The following SEPTIN9 variants were observed in gnomAD, a reference collection of about 807,000 sequenced individuals.
SEPTIN9 encodes the protein septin-9.
Under a neutral mutation model 56.6 loss-of-function variants are expected in SEPTIN9, and 13 were observed. The ratio of observed to expected loss-of-function variants is 0.23; its 90% CI spans 0.15 to 0.37. The LOEUF is 0.37. Ranked by LOEUF, SEPTIN9 falls within the 10% of genes least tolerant of loss-of-function variation. The probability of loss-of-function intolerance (pLI) is 1.00; values close to 1 mark genes in which losing one functional copy is unlikely to be tolerated. For missense variants in SEPTIN9, 650 were observed against 823.1 expected (o/e 0.79, Z 2.57); for synonymous variants, 332 against 334.1 (o/e 0.99, Z 0.07).
rs552291130 is a variant in SEPTIN9 at position 77,436,685 on chromosome 17, C to T, written c.721+33982C>T. Among the ~76,000 whole-genome samples, 255 of 152,358 alleles carry T rather than the reference C, an allele frequency of 1.7e-3. 1 individual carries two copies. The highest frequency in any genetic ancestry group is 4.5e-3 in the African/African-American group (187 of 41,578). ...ACCTCCTGTTTTGCTGCACTAGCCT[C>T]GTGGTAGGGGCTGCGGCGGAGGTGG... On this transcript the variant is annotated intron_variant, in intron 3 of 11. Transcript: ENST00000427177. This position sits in a 1 kb window ranked among gnomAD's most constrained non-coding sequence, Gnocchi z 4.4.
chr17:77,420,596 G>A (rs2144214316), intron 3 of SEPTIN9, among the ~76,000 whole-genome samples: 1 of 152,252 alleles, frequency 6.6e-6, no homozygotes, highest in East Asian at 1.9e-4. Flanking sequence ...TCCTCCTGGT[G>A]GACAGTCCTT....
At chr17:77,490,934 C>T (rs1341558770) in intron 8 of SEPTIN9, 75 bp downstream of exon 8, 7 of 1,157,284 alleles carry the variant, frequency 6.0e-6, no homozygotes, top group East Asian at 2.6e-5. Flanking sequence ...GGGGCCACCC[C>T]GTCTAAAGGA....
intron 3 of SEPTIN9, among the ~76,000 whole-genome samples, chr17:77,407,282 CAA>C (rs58585658): frequency 3.4e-4 from 15 of 44,598 alleles, no homozygotes; most frequent in Admixed American, 1.7e-3. Context: ...GACCCTGTCT[CAA>C]AAAAAAAAAA....
At chr17:77,482,571 C>G (rs1402484522) in intron 4 of SEPTIN9, 2 of 690,178 alleles carry the variant, frequency 2.9e-6, no homozygotes, top group South Asian at 3.0e-5. Flanking sequence ...CCTGAGATGA[C>G]TTTGGGGAGC....
At chr17:77,331,449 A>G (rs1598204889) in intron 2 of SEPTIN9, among the ~76,000 whole-genome samples, 1 of 148,776 alleles carries the variant, frequency 6.7e-6, no homozygotes. Flanking sequence ...GGGTGGGGGG[A>G]GGTTATGAAG....
chr17:77,385,041 A>G (rs2035284433), intron 2 of SEPTIN9, among the ~76,000 whole-genome samples: 2 of 151,954 alleles, frequency 1.3e-5, no homozygotes, highest in Non-Finnish European at 2.9e-5. Flanking sequence ...AAAGCAATAG[A>G]TGTTATTTTT....
chr17:77,324,836 T>TTTTA (rs1598195070), intron 2 of SEPTIN9, among the ~76,000 whole-genome samples: 2 of 150,358 alleles, frequency 1.3e-5, no homozygotes, highest in African/African-American at 2.5e-5. Flanking sequence ...TTTTTTTTTT[T>TTTTA]GAGATGGAGT....
chr17:77,303,621 C>T (rs1393008928), intron 1 of SEPTIN9, among the ~76,000 whole-genome samples: 3 of 151,680 alleles, frequency 2.0e-5, no homozygotes, highest in Admixed American at 6.6e-5. Flanking sequence ...GCGGAGGTTG[C>T]GGTGAACTGA....
rs576493190 is a variant in SEPTIN9, at chr17:77,329,598, T to C, written c.76+22401T>C. 9.1e-4 allele frequency among the ~76,000 whole-genome samples: 138 copies of C among 152,132 alleles called. 1 individual carries two copies. The highest frequency in any genetic ancestry group is 3.1e-3 in the African/African-American group (129 of 41,472). On this transcript the variant is annotated intron_variant, in intron 2 of 11. Transcript: ENST00000427177. This position sits in a 1 kb window ranked among gnomAD's most constrained non-coding sequence, Gnocchi z 4.3. ...AGCACGCTCATCCCTCGTTCCTTCC[T>C]GTTTCGTGGGATGCTGAGTCTCTGG... is the stretch of plus-strand genomic sequence containing the variant.
chr17:77,307,612 A>G lies in SEPTIN9; in HGVS notation c.76+415A>G, dbSNP rs375712251. On this transcript the variant is annotated intron_variant, in intron 2 of 11. Coordinates refer to ENST00000427177, the MANE Select transcript of SEPTIN9 (RefSeq NM_001113491.2). ...TCCCTGCAACCTTGCAGGATGGAAG[A>G]TGCTCCAGGATAGAGCAGATACGTC... 3.1e-3 allele frequency among the ~76,000 whole-genome samples: 469 copies of G among 152,172 alleles called. 4 individuals carry two copies. Among genetic ancestry groups the G allele is most frequent in the African/African-American group, 0.01 (435 of 41,510 alleles).
At chr17:77,457,664 A>G (rs2038274597) in intron 3 of SEPTIN9, among the ~76,000 whole-genome samples, 1 of 152,204 alleles carries the variant, frequency 6.6e-6, no homozygotes, top group African/African-American at 2.4e-5. Flanking sequence ...TGGGGTTCAC[A>G]CTGAATTTCC....
chr17:77,380,684 TC>T (rs2035111668), intron 2 of SEPTIN9, among the ~76,000 whole-genome samples: 1 of 152,044 alleles, frequency 6.6e-6, no homozygotes, highest in Non-Finnish European at 1.5e-5. Flanking sequence ...CCGCTTCCCC[TC>T]CCCTGCCCCA....
At chr17:77,465,736 C>A (rs1598417889) in intron 3 of SEPTIN9, among the ~76,000 whole-genome samples, 1 of 152,146 alleles carries the variant, frequency 6.6e-6, no homozygotes, top group East Asian at 1.9e-4. Flanking sequence ...AGGGGAAATG[C>A]AAAGTTCGAG....
chr17:77,382,177 A>G (rs1278724234), intron 2 of SEPTIN9, among the ~76,000 whole-genome samples: 1 of 151,996 alleles, frequency 6.6e-6, no homozygotes, highest in Non-Finnish European at 1.5e-5. Flanking sequence ...CCAGGCACGC[A>G]CCACCACGCC....
chr17:77,409,189 T>G (rs1031444406), intron 3 of SEPTIN9, among the ~76,000 whole-genome samples: 1 of 152,154 alleles, frequency 6.6e-6, no homozygotes, highest in African/African-American at 2.4e-5. Flanking sequence ...CTCTTTCTCT[T>G]TCCCCTTCTA....
At chr17:77,316,576 C>G (rs929976073) in intron 2 of SEPTIN9, among the ~76,000 whole-genome samples, 2 of 152,212 alleles carry the variant, frequency 1.3e-5, no homozygotes, top group African/African-American at 4.8e-5. Context: ...TCACTCGGGG[C>G]TGTTCCCAAG....
chr17:77,495,764 G>A (rs1186482668), intron 10 of SEPTIN9, among the ~76,000 whole-genome samples: 1 of 152,228 alleles, frequency 6.6e-6, no homozygotes, highest in Non-Finnish European at 1.5e-5. Context: ...GGCCGTGGCA[G>A]GAGGGCCTAG....
chr17:77,317,708 G>A lies in SEPTIN9; in HGVS notation c.76+10511G>A, dbSNP rs904872124. 3.9e-5 allele frequency among the ~76,000 whole-genome samples: 6 copies of A among 152,052 alleles called. No individual in the cohort carries two copies. The highest frequency in any genetic ancestry group is 1.3e-4 in the Admixed American group (2 of 15,258). On this transcript the variant is annotated intron_variant, in intron 2 of 11. Transcript: ENST00000427177. This position sits in a 1 kb window ranked among gnomAD's most constrained non-coding sequence, Gnocchi z 4.2. The stretch of plus-strand genomic sequence containing the variant: ...CAATCAATACAACGTGCTTGTGGCC[G>A]GGTGCAGTGGCTCACACCTGTAATC...
rs186886683 is a variant in SEPTIN9 at position 77,347,878 on chromosome 17, T to C, written c.76+40681T>C. The stretch of plus-strand genomic sequence containing the variant: ...TTGCTCAACTGTAGGCTGAAGTAAG[T>C]GTTCTAATCATGTTAAGGTAGGCTA... On this transcript the variant is annotated intron_variant, in intron 2 of 11. Transcript: ENST00000427177. Among the ~76,000 whole-genome samples the C allele has an allele frequency of 3.3e-3, 504 of 152,274 alleles. 5 individuals are homozygous for C. The highest frequency in any genetic ancestry group is 0.011 in the African/African-American group (475 of 41,536).
Sources: allele counts gnomAD v4.1 joint callset (sites outside exome capture counted in the v4.1 genomes callset), GRCh38; gene constraint gnomAD v4.1.1; non-coding constraint Gnocchi (gnomAD v3.1); transcripts MANE v1.5; gene names NCBI Gene and HGNC (gene_info 2026-07-23, HGNC 2026-07-21).